LRP1B: variants seen among roughly 807,000 people sequenced by gnomAD.
The protein encoded by LRP1B is LDL receptor related protein 1B.
A neutral mutation model predicts 556.6 loss-of-function variants in LRP1B; 217 were observed. That is an observed-to-expected ratio of 0.39 (90% confidence interval 0.35 to 0.44). The LOEUF (loss-of-function observed/expected upper bound fraction) is 0.44. Ranked by LOEUF, LRP1B falls within the 20% of genes least tolerant of loss-of-function variation. The pLI, the probability that LRP1B is intolerant of heterozygous loss-of-function variation, is 1.00. For synonymous variants in LRP1B, 2,047 were observed against 1,865.8 expected, an observed-to-expected ratio of 1.10 and a Z score of -2.50; for missense variants, 5,053 against 5,620.8, an observed-to-expected ratio of 0.90 and a Z score of 3.23.
intron 84 of LRP1B, among the ~76,000 whole-genome samples, chr2:140,280,933 T>G (rs1003032026): frequency 3.3e-5 from 5 of 151,908 alleles, no homozygotes; most frequent in Non-Finnish European, 5.9e-5. Flanking sequence ...GTAATTACAC[T>G]AAGAACTACC....
intron 1 of LRP1B, 135 bp from the exon 2 acceptor site, chr2:141,810,536 A>C (rs759605675): frequency 1.1e-6 from 1 of 872,914 alleles, no homozygotes; most frequent in Non-Finnish European, 1.7e-6. Context: ...TTCGGCAGCA[A>C]AGACAAACCA....
intron 41 of LRP1B, among the ~76,000 whole-genome samples, chr2:140,692,975 T>C (rs1686299100): frequency 1.3e-5 from 2 of 152,172 alleles, no homozygotes; most frequent in South Asian, 4.1e-4. Flanking sequence ...AACATTTTGT[T>C]TCATTTTTTG....
At chr2:140,562,435 T>A (rs562510846) in intron 43 of LRP1B, among the ~76,000 whole-genome samples, 3 of 152,232 alleles carry the variant, frequency 2.0e-5, no homozygotes, top group African/African-American at 7.2e-5. Context: ...TCTTACTGTG[T>A]GAGATTTGAT....
intron 2 of LRP1B, among the ~76,000 whole-genome samples, chr2:141,578,872 C>T (rs1686855488): frequency 6.6e-6 from 1 of 152,116 alleles, no homozygotes; most frequent in Non-Finnish European, 1.5e-5. Context: ...AAATGTAATT[C>T]TATAATTCCC....
chr2:141,260,948 G>C (rs1054245753), intron 3 of LRP1B, among the ~76,000 whole-genome samples: 7 of 151,834 alleles, frequency 4.6e-5, no homozygotes, highest in African/African-American at 1.7e-4. Flanking sequence ...CCAACAACTA[G>C]AACCATAGTA....
At chr2:140,984,347 C>CAT (rs1388203818) in intron 17 of LRP1B, among the ~76,000 whole-genome samples, 7 of 151,672 alleles carry the variant, frequency 4.6e-5, no homozygotes, top group African/African-American at 1.5e-4. Context: ...CTTCCTCCTT[C>CAT]ATTCTTTAAC....
At chr2:140,803,476 T>A (rs188079639) in intron 32 of LRP1B, among the ~76,000 whole-genome samples, 3,396 of 151,584 alleles carry the variant, frequency 0.022, 56 homozygotes, top group Non-Finnish European at 0.034. Context: ...TTATTTATTT[T>A]TTTAGTAGAG....
At chr2:141,200,234 CTA>C (rs1454106673) in intron 6 of LRP1B, among the ~76,000 whole-genome samples, 2 of 151,228 alleles carry the variant, frequency 1.3e-5, no homozygotes, top group East Asian at 3.9e-4. Flanking sequence ...CCAAAGAAAA[CTA>C]TGTAGCCACA....
At chr2:141,275,923 TACAC>T (rs1015164302) in intron 3 of LRP1B, among the ~76,000 whole-genome samples, 1 of 151,086 alleles carries the variant, frequency 6.6e-6, no homozygotes. Flanking sequence ...TATATATATA[TACAC>T]ATACACATAT....
At chr2:140,547,255 T>C (rs1051437335) in intron 43 of LRP1B, among the ~76,000 whole-genome samples, 5 of 152,140 alleles carry the variant, frequency 3.3e-5, no homozygotes, top group African/African-American at 1.2e-4. Flanking sequence ...ATACATTTGG[T>C]AGACTTTGGC....
chr2:141,546,706 T>G (rs1367401884), intron 2 of LRP1B, among the ~76,000 whole-genome samples: 1 of 152,184 alleles, frequency 6.6e-6, no homozygotes, highest in East Asian at 1.9e-4. Context: ...AAATGAGCAT[T>G]GAGGCCTGCA....
At chr2:140,822,477 G>A (rs561568444) in intron 31 of LRP1B, among the ~76,000 whole-genome samples, 1 of 152,306 alleles carries the variant, frequency 6.6e-6, no homozygotes, top group Non-Finnish European at 1.5e-5. Context: ...AGCAAGCGAA[G>A]TCAGTGAATT....
At chr2:141,536,311 T>G (rs1218517014) in intron 2 of LRP1B, among the ~76,000 whole-genome samples, 2 of 152,130 alleles carry the variant, frequency 1.3e-5, no homozygotes, top group Non-Finnish European at 2.9e-5. Context: ...TGGTAGTTTA[T>G]GTTTTTCTGA....
At chr2:142,079,613 G>A (rs1389212777) in intron 1 of LRP1B, among the ~76,000 whole-genome samples, 1 of 151,910 alleles carries the variant, frequency 6.6e-6, no homozygotes, top group Non-Finnish European at 1.5e-5. Flanking sequence ...GTGTTCACAT[G>A]ATTCTCCTGC....
chr2:141,690,396 A>AATAAATAAATATAT (rs5834858), intron 2 of LRP1B, among the ~76,000 whole-genome samples: 46 of 26,880 alleles, frequency 1.7e-3, no homozygotes, highest in East Asian at 4.4e-3. Flanking sequence ...TACATCTATA[A>AATAAATAAATATAT]ATATATATAT....
At chr2:140,548,063 T>C (rs1478584606) in intron 43 of LRP1B, among the ~76,000 whole-genome samples, 1 of 152,038 alleles carries the variant, frequency 6.6e-6, no homozygotes, top group African/African-American at 2.4e-5. Context: ...CATATAATGA[T>C]TCTAGCCAAT....
At chr2:141,074,851 A>T (rs1344626712) in intron 7 of LRP1B, among the ~76,000 whole-genome samples, 1 of 152,082 alleles carries the variant, frequency 6.6e-6, no homozygotes, top group Non-Finnish European at 1.5e-5. Flanking sequence ...ATAAATTATT[A>T]CTTTGTTCAG....
intron 1 of LRP1B, among the ~76,000 whole-genome samples, chr2:142,026,987 T>A (rs1392117110): frequency 6.6e-6 from 1 of 152,006 alleles, no homozygotes; most frequent in Non-Finnish European, 1.5e-5. Context: ...GTATGACTTT[T>A]ATGGGTGCTA....
chr2:140,456,566 G>A lies in LRP1B; in HGVS notation c.9852C>T (p.Cys3284=), dbSNP rs1459415534. Residue 3284 remains cysteine, a synonymous_variant, in exon 62 of 91, where the codon TGC becomes TGT. Coordinates refer to ENST00000389484, the MANE Select transcript of LRP1B (RefSeq NM_018557.3). The part of the protein sequence containing the change: ...KHLCMINNGG[C]SHLCLLAPGK... Reference sequence around the variant, plus strand: ...CAGGGGCTAAAAGGCACAAATGACTGCAACCACCATTATTTATCATGCAGA... The same window carrying A: ...CAGGGGCTAAAAGGCACAAATGACTACAACCACCATTATTTATCATGCAGA... The A allele has an allele frequency of 6.2e-7, 1 of 1,612,268 alleles. No homozygotes were observed. The highest frequency in any genetic ancestry group is 1.7e-5 in the Admixed American group (1 of 59,816).
Sources: allele counts gnomAD v4.1 joint callset (sites outside exome capture counted in the v4.1 genomes callset), GRCh38; gene constraint gnomAD v4.1.1; transcripts MANE v1.5; gene names NCBI Gene and HGNC (gene_info 2026-07-23, HGNC 2026-07-21).